SATL1: variants seen among roughly 807,000 people sequenced by gnomAD.
SATL1 encodes the protein spermidine/spermine N1-acetyl transferase like 1, also known as spermidine/spermine N(1)-acetyltransferase-like protein 1.
Under a neutral mutation model 51.8 loss-of-function variants are expected in SATL1, and 47 were observed. The ratio of observed to expected loss-of-function variants is 0.91; its 90% confidence interval spans 0.72 to 1.16. The LOEUF (loss-of-function observed/expected upper bound fraction) is 1.16. Among genes scored for constraint, SATL1 ranks in the 50% most tolerant of loss-of-function variants. The pLI is 0.00. For missense variants in SATL1, 520 were observed against 526.4 expected, an observed-to-expected ratio of 0.99 and a Z score of 0.12; for synonymous variants, 176 against 182.4, an observed-to-expected ratio of 0.97 and a Z score of 0.28.
intron 2 of SATL1, among the ~76,000 whole-genome samples, chrX:85,132,279 G>A (rs60600399): frequency 0.15 from 16,243 of 111,087 alleles, 1,266 homozygotes; most frequent in African/African-American, 0.3. Flanking sequence ...GTCACTTTCA[G>A]GTACACCAAT....
At chrX:85,208,748 G>GT (rs1457665799) in intron 2 of SATL1, 1 of 111,636 alleles carries the variant, frequency 9.0e-6, no homozygotes, top group African/African-American at 3.3e-5. Flanking sequence ...TGACGGGGTT[G>GT]TTTTTTTCTT....
At position 85,162,051 on chromosome X, in the gene SATL1, C is replaced by T. The variant is rs1027197607; in HGVS notation, c.-312-52771G>A. On this transcript the variant is annotated intron_variant, in intron 2 of 7. Transcript: ENST00000644105. ...AGTTATGTGGAAATTAAATAATCTCCTCCTGAATGGCTTTTGGGTTAATAA... is the reference window on the plus strand; with the variant it reads ...AGTTATGTGGAAATTAAATAATCTCTTCCTGAATGGCTTTTGGGTTAATAA... Among the ~76,000 whole-genome samples, 24 of 111,516 alleles carry T rather than the reference C, an allele frequency of 2.2e-4. 1 individual carries two copies. The Admixed American group carries it at 2.2e-3, about 10-fold the overall frequency.
chrX:85,145,658 A>C (rs1295013942), intron 2 of SATL1, among the ~76,000 whole-genome samples: 1 of 111,475 alleles, frequency 9.0e-6, no homozygotes, highest in Non-Finnish European at 1.9e-5. Flanking sequence ...CAGCTTCAAA[A>C]TGTGGTAGAC....
chrX:85,146,990 C>T (rs954355961), intron 2 of SATL1, among the ~76,000 whole-genome samples: 5 of 112,574 alleles, frequency 4.4e-5, no homozygotes, highest in Non-Finnish European at 9.4e-5. Flanking sequence ...GTGCAGCGCA[C>T]CGTGCGAGAG....
intron 1 of SATL1, among the ~76,000 whole-genome samples, chrX:85,229,650 T>C (rs1928340829): frequency 9.0e-6 from 1 of 111,100 alleles, no homozygotes; most frequent in Non-Finnish European, 1.9e-5. Flanking sequence ...AGATCAGTTA[T>C]AGAAGAAATT....
chrX:85,214,470 T>A (rs1031263988), intron 2 of SATL1, among the ~76,000 whole-genome samples: 1 of 111,155 alleles, frequency 9.0e-6, no homozygotes, highest in Non-Finnish European at 1.9e-5. Flanking sequence ...CAACATGAGA[T>A]TTGGAAGGGT....
chrX:85,121,501 G>C (rs1361555680), intron 2 of SATL1, among the ~76,000 whole-genome samples: 1 of 102,586 alleles, frequency 9.7e-6, no homozygotes. Flanking sequence ...TTAGTATATA[G>C]TATATATACT....
intron 2 of SATL1, among the ~76,000 whole-genome samples, chrX:85,166,324 A>G (rs144322071): frequency 0.015 from 1,703 of 112,067 alleles, 19 homozygotes; most frequent in Non-Finnish European, 0.024. Context: ...AAGAGAAATA[A>G]TCAGCAAACA....
At chrX:85,199,201 T>C (rs1927641581) in intron 2 of SATL1, among the ~76,000 whole-genome samples, 1 of 111,298 alleles carries the variant, frequency 9.0e-6, no homozygotes, top group Admixed American at 9.7e-5. Flanking sequence ...CAGTGTCTTG[T>C]AACCATTCCT....
intron 2 of SATL1, among the ~76,000 whole-genome samples, chrX:85,172,876 C>T (rs1212863297): frequency 9.0e-6 from 1 of 110,751 alleles, no homozygotes; most frequent in Non-Finnish European, 1.9e-5. Context: ...TTTTGTACCT[C>T]TATAAGATGG....
chrX:85,170,180 G>A (rs1241244084), intron 2 of SATL1, among the ~76,000 whole-genome samples: 1 of 110,952 alleles, frequency 9.0e-6, no homozygotes, highest in Non-Finnish European at 1.9e-5. Flanking sequence ...ACGGGTACTA[G>A]GCTTAATACC....
chrX:85,206,208 TA>T (rs1429381587), intron 2 of SATL1, among the ~76,000 whole-genome samples: 1 of 111,742 alleles, frequency 8.9e-6, no homozygotes, highest in Non-Finnish European at 1.9e-5. Flanking sequence ...CTGAAAAATA[TA>T]AACTTGTTAT....
At chrX:85,165,932 T>C (rs2147731150) in intron 2 of SATL1, among the ~76,000 whole-genome samples, 1 of 111,560 alleles carries the variant, frequency 9.0e-6, no homozygotes, top group South Asian at 3.7e-4. Flanking sequence ...AGTAAGCAAG[T>C]AGATCAATGG....
At chrX:85,139,514 A>G (rs1926055805) in intron 2 of SATL1, among the ~76,000 whole-genome samples, 1 of 110,980 alleles carries the variant, frequency 9.0e-6, no homozygotes, top group Admixed American at 9.6e-5. Context: ...TGGGCTCTGG[A>G]GTCTACATAC....
chrX:85,130,973 A>G (rs144455690), intron 2 of SATL1, among the ~76,000 whole-genome samples: 3,163 of 111,746 alleles, frequency 0.028, 126 homozygotes, highest in African/African-American at 0.097. Context: ...GAGTTTCTTA[A>G]TCCTGAGTTC....
chrX:85,120,870 C>T (rs1925488890), intron 2 of SATL1, among the ~76,000 whole-genome samples: 1 of 111,224 alleles, frequency 9.0e-6, no homozygotes, highest in African/African-American at 3.3e-5. Flanking sequence ...GAATCATCAC[C>T]TATGGTGATG....
intron 1 of SATL1, among the ~76,000 whole-genome samples, chrX:85,226,104 C>A (rs1928273478): frequency 9.0e-6 from 1 of 111,379 alleles, no homozygotes; most frequent in Non-Finnish European, 1.9e-5. Flanking sequence ...CCCCATGCAA[C>A]TCTGCACATT....
chrX:85,235,456 T>G (rs755083256), intron 1 of SATL1, among the ~76,000 whole-genome samples: 1 of 96,909 alleles, frequency 1.0e-5, no homozygotes, highest in Non-Finnish European at 2.0e-5. Context: ...ATATAAGTCT[T>G]AAGAAATTCA....
intron 2 of SATL1, among the ~76,000 whole-genome samples, chrX:85,132,182 T>G (rs1284405701): frequency 9.0e-6 from 1 of 111,596 alleles, no homozygotes; most frequent in East Asian, 2.8e-4. Context: ...TTTCCTGAAT[T>G]TGAATGTTGG....
Sources: allele counts gnomAD v4.1 joint callset (sites outside exome capture counted in the v4.1 genomes callset), GRCh38; gene constraint gnomAD v4.1.1; transcripts MANE v1.5; gene names NCBI Gene and HGNC (gene_info 2026-07-23, HGNC 2026-07-21).